GKAP1: variants seen among roughly 807,000 people sequenced by gnomAD.
GKAP1 encodes the protein G kinase-anchoring protein 1.
Under a neutral mutation model 56.7 loss-of-function variants are expected in GKAP1, and 31 were observed. The ratio of observed to expected loss-of-function variants is 0.55; its 90% CI spans 0.41 to 0.74. The LOEUF (loss-of-function observed/expected upper bound fraction) is 0.74. Ranked by LOEUF, GKAP1 falls within the 30% of genes least tolerant of loss-of-function variation. GKAP1 has a pLI of 0.00. For synonymous variants in GKAP1, 151 were observed against 138.6 expected (o/e 1.09, Z -0.63); for missense variants, 364 against 402.3 (o/e 0.90, Z 0.82).
intron 2 of GKAP1, among the ~76,000 whole-genome samples, chr9:83,815,398 C>G (rs1944568301): frequency 6.6e-6 from 1 of 151,656 alleles, no homozygotes; most frequent in South Asian, 2.1e-4. Context: ...AGGCATGCAC[C>G]ACCAAGCCCG....
intron 4 of GKAP1, 142 bp from the exon 5 acceptor site, chr9:83,788,820 G>T: frequency 2.1e-6 from 1 of 474,392 alleles, no homozygotes. Context: ...ATCTAACCAT[G>T]CCAAACTAGG....
chr9:83,810,234 G>C (rs1157435522), intron 2 of GKAP1, among the ~76,000 whole-genome samples: 1 of 152,148 alleles, frequency 6.6e-6, no homozygotes, highest in Non-Finnish European at 1.5e-5. Flanking sequence ...AAAATTGTTT[G>C]TTTTTATTAC....
rs530406529 is a variant in GKAP1, at chr9:83,813,234, T to C, written c.-44+3762A>G. ...CTTTAAAATTTAGATGCTTCTATGC[T>C]TAGACATTTATATACACATAATATA... On this transcript the variant is annotated intron_variant, in intron 2 of 12. Coordinates refer to ENST00000376371, the MANE Select transcript of GKAP1 (RefSeq NM_025211.4). 1.8e-3 allele frequency among the ~76,000 whole-genome samples: 275 copies of C among 152,352 alleles called. 1 individual carries two copies. Among genetic ancestry groups the C allele is most frequent in the African/African-American group, 2.9e-3 (119 of 41,584 alleles).
intron 8 of GKAP1, among the ~76,000 whole-genome samples, chr9:83,761,592 C>A (rs992003631): frequency 4.0e-5 from 6 of 150,270 alleles, no homozygotes; most frequent in African/African-American, 7.3e-5. Flanking sequence ...ATACCAAAAC[C>A]GGACAAAGAA....
intron 9 of GKAP1, among the ~76,000 whole-genome samples, chr9:83,752,458 T>C (rs1943406649): frequency 1.3e-5 from 2 of 152,110 alleles, no homozygotes; most frequent in African/African-American, 4.8e-5. Flanking sequence ...GCTAAGTGAA[T>C]ACGCCACACA....
intron 9 of GKAP1, among the ~76,000 whole-genome samples, chr9:83,749,553 C>A (rs567762981): frequency 6.6e-6 from 1 of 152,038 alleles, no homozygotes; most frequent in Non-Finnish European, 1.5e-5. Flanking sequence ...AGATTTAATA[C>A]ATTAATACAT....
intron 8 of GKAP1, among the ~76,000 whole-genome samples, chr9:83,761,131 A>C (rs1308566194): frequency 1.3e-5 from 2 of 151,824 alleles, no homozygotes; most frequent in Non-Finnish European, 1.5e-5. Flanking sequence ...AAACCTAAAA[A>C]TTAAAAAATT....
rs745929934 is a variant in GKAP1, at chr9:83,797,594, C to T, written c.360+1591G>A. Among the ~76,000 whole-genome samples, 3 of 152,216 alleles carry T rather than the reference C, an allele frequency of 2.0e-5. No homozygotes were observed. In the South Asian group the frequency reaches 6.2e-4, roughly 31 times the overall value. On this transcript the variant is annotated intron_variant, in intron 4 of 12. Coordinates refer to ENST00000376371, the MANE Select transcript of GKAP1 (RefSeq NM_025211.4). ...CTCCAGGTCTTCCTAAGTGACCCAT[C>T]AGTAGTATACTCAGCAGAAATTCGT...
At chr9:83,792,056 T>C (rs1944168707) in intron 4 of GKAP1, among the ~76,000 whole-genome samples, 1 of 152,178 alleles carries the variant, frequency 6.6e-6, no homozygotes, top group African/African-American at 2.4e-5. Context: ...ATCACAGAAA[T>C]TGATAATTTA....
intron 8 of GKAP1, among the ~76,000 whole-genome samples, chr9:83,761,300 T>C (rs2131256223): frequency 6.6e-6 from 1 of 152,198 alleles, no homozygotes; most frequent in African/African-American, 2.4e-5. Context: ...TGAGCAACTA[T>C]ATGCCAATAA....
chr9:83,786,318 G>A (rs969838600), intron 5 of GKAP1, among the ~76,000 whole-genome samples: 6 of 152,098 alleles, frequency 3.9e-5, no homozygotes, highest in African/African-American at 7.2e-5. Context: ...TGAGGCGGGC[G>A]GATCACCTCA....
At chr9:83,785,388 A>T (rs1240012499) in intron 5 of GKAP1, among the ~76,000 whole-genome samples, 3 of 152,160 alleles carry the variant, frequency 2.0e-5, no homozygotes, top group Non-Finnish European at 2.9e-5. Flanking sequence ...TCAATCTCAA[A>T]GTTTAAAGTT....
intron 2 of GKAP1, among the ~76,000 whole-genome samples, chr9:83,807,436 G>A (rs1409494877): frequency 1.3e-5 from 2 of 152,070 alleles, no homozygotes; most frequent in Non-Finnish European, 2.9e-5. Context: ...AATTAAAAAA[G>A]ACAAAGATTG....
At chr9:83,759,635 GTT>G (rs1564192854) in intron 8 of GKAP1, among the ~76,000 whole-genome samples, 2 of 152,188 alleles carry the variant, frequency 1.3e-5, no homozygotes, top group East Asian at 3.9e-4. Flanking sequence ...TGTCTTCAGG[GTT>G]TAATCTAGGG....
At chr9:83,750,783 T>C (rs1024199489) in intron 9 of GKAP1, among the ~76,000 whole-genome samples, 22 of 152,230 alleles carry the variant, frequency 1.4e-4, no homozygotes, top group Admixed American at 5.9e-4. Context: ...TGCCAGCTAC[T>C]TAATAATTAT....
chr9:83,773,946 T>C lies in GKAP1; in HGVS notation c.586-4976A>G, dbSNP rs1329761311. Reference sequence around the variant, plus strand: ...ATCATCATACCTAACAAAAATCATATTTGTTAACATCACCTTATTCCTACT... The same window carrying C: ...ATCATCATACCTAACAAAAATCATACTTGTTAACATCACCTTATTCCTACT... On this transcript the variant is annotated intron_variant, in intron 7 of 12. Coordinates refer to ENST00000376371, the MANE Select transcript of GKAP1 (RefSeq NM_025211.4). Among the ~76,000 whole-genome samples, 6 of 152,270 alleles carry C rather than the reference T, an allele frequency of 3.9e-5. No individual in the cohort carries two copies. In the South Asian group the frequency reaches 1.2e-3, roughly 32 times the overall value.
intron 7 of GKAP1, among the ~76,000 whole-genome samples, chr9:83,774,264 A>G (rs756836141): frequency 1.2e-4 from 18 of 151,902 alleles, no homozygotes; most frequent in Non-Finnish European, 2.4e-4. Flanking sequence ...GGAAATACCA[A>G]TGGGGACACT....
At chr9:83,794,202 G>T (rs936328993) in intron 4 of GKAP1, among the ~76,000 whole-genome samples, 1 of 152,062 alleles carries the variant, frequency 6.6e-6, no homozygotes, top group Non-Finnish European at 1.5e-5. Flanking sequence ...GAGAGAGAAA[G>T]AAACTTGGTG....
At chr9:83,790,216 A>C (rs186854999) in intron 4 of GKAP1, among the ~76,000 whole-genome samples, 25 of 152,216 alleles carry the variant, frequency 1.6e-4, no homozygotes, top group Non-Finnish European at 2.9e-4. Context: ...TGGTAAGGAT[A>C]TATAGAACTA....
Sources: gnomAD v4.1 joint callset for allele counts (sites outside exome capture counted in the v4.1 genomes callset) on GRCh38, gnomAD v4.1.1 for gene constraint, MANE v1.5 for transcripts, NCBI Gene and HGNC (gene_info 2026-07-23, HGNC 2026-07-21) for gene names.